Variants in CHD1L observed in about 807,000 individuals in gnomAD.
CHD1L encodes the protein ATP-dependent chromatin remodeler CHD1L.
Under a neutral mutation model 115.9 loss-of-function variants are expected in CHD1L, and 118 were observed. The ratio of observed to expected loss-of-function variants is 1.02; its 90% CI spans 0.88 to 1.19. The LOEUF (loss-of-function observed/expected upper bound fraction) is 1.19, where lower values mean the gene tolerates loss of function less well. Ranked by LOEUF, CHD1L falls within the 50% of genes most tolerant of loss-of-function variation. CHD1L has a pLI of 0.00. For synonymous variants in CHD1L, 411 were observed against 387.1 expected, an observed-to-expected ratio of 1.06 and a Z score of -0.72; for missense variants, 1,179 against 1,065.3, an observed-to-expected ratio of 1.11 and a Z score of -1.49.
chr1:147,181,518 T>C, the CHD1L span, among the ~76,000 whole-genome samples: 4 of 152,246 alleles, frequency 2.6e-5, no homozygotes, highest in East Asian at 7.7e-4. Flanking sequence ...GGAGACAACA[T>C]ATTTGAGGTT....
In CHD1L at chr1:147,272,275, A is replaced by G; in HGVS notation, c.1264A>G (p.Arg422Gly). 1 of 1,609,088 alleles carries G rather than the reference A, an allele frequency of 6.2e-7. No homozygotes were observed. The highest frequency in any genetic ancestry group is 2.2e-5 in the East Asian group (1 of 44,866). ...CATTTTCGTTTTTCTCCTGAGTACT[A>G]GGGCAGGTAGGCTGCAAAGGCATTG... is the stretch of plus-strand genomic sequence containing the variant. ...QPIFVFLLST[R>G]AGGVGMNLTA... The change falls in exon 12 of 23, where the codon AGG becomes GGG. Residue 422 changes from arginine (R) to glycine (G), a missense_variant. By Grantham distance (125) the Arg-to-Gly change is moderately radical (BLOSUM62 -2). Transcript: ENST00000369258.
At chr1:147,242,905 GCGGGTGGGCC>G in intron 1 of CHD1L, 75 bp downstream of exon 1, 4 of 1,234,266 alleles carry the variant, frequency 3.2e-6, no homozygotes, top group Non-Finnish European at 4.1e-6. Context: ...CGGGGGCGCA[GCGGGTGGGCC>G]GCCCGGTGGG....
chr1:147,195,422 C>T, the CHD1L span, among the ~76,000 whole-genome samples: 1 of 147,210 alleles, frequency 6.8e-6, no homozygotes, highest in Non-Finnish European at 1.5e-5. Flanking sequence ...CATGAGCCAC[C>T]ATGCCCAGCC....
chr1:147,277,672 T>A (rs1679051877), intron 14 of CHD1L, among the ~76,000 whole-genome samples: 1 of 152,172 alleles, frequency 6.6e-6, no homozygotes, highest in Non-Finnish European at 1.5e-5. Flanking sequence ...GTACATTTTG[T>A]TTTCACACTA....
the CHD1L span, among the ~76,000 whole-genome samples, chr1:147,236,836 T>C: frequency 0.11 from 16,083 of 152,176 alleles, 951 homozygotes; most frequent in East Asian, 0.16. Flanking sequence ...AACTGGTCCA[T>C]AGGCACCCAG....
At chr1:147,202,362 G>A in the CHD1L span, among the ~76,000 whole-genome samples, 38 of 112,290 alleles carry the variant, frequency 3.4e-4, 1 homozygote, top group East Asian at 1.1e-3. Flanking sequence ...TTCTTTTGCC[G>A]AAGCTGGAGT....
At chr1:147,274,694 T>C (rs587727341) in intron 12 of CHD1L, among the ~76,000 whole-genome samples, 32 of 151,892 alleles carry the variant, frequency 2.1e-4, no homozygotes, top group South Asian at 2.1e-4. Context: ...CCAGCAAGAG[T>C]GTTCTGAGCA....
At chr1:147,258,814 T>C (rs1553942006) in intron 5 of CHD1L, 1 of 152,240 alleles carries the variant, frequency 6.6e-6, no homozygotes, top group East Asian at 1.9e-4. Context: ...GTATATACAT[T>C]TAGTTTTTTA....
intron 1 of CHD1L, among the ~76,000 whole-genome samples, chr1:147,245,696 C>CT (rs11350539): frequency 0.4 from 58,524 of 146,848 alleles, 11,951 homozygotes; most frequent in African/African-American, 0.5. Flanking sequence ...GAAAATTCAA[C>CT]TTTTTTTTTT....
the CHD1L span, among the ~76,000 whole-genome samples, chr1:147,176,884 C>T: frequency 5.3e-5 from 8 of 151,850 alleles, no homozygotes; most frequent in East Asian, 1.9e-4. Context: ...TCCTGGGTTA[C>T]GGTAGGAGGC....
In CHD1L at chr1:147,274,567, G is replaced by A. The variant is rs144379837; in HGVS notation, c.1271-787G>A. ...ACCCTGGCAAGAGGGAGTCTGTTTT[G>A]TACTTGTTTTCACATTAATCAAAGA... On this transcript the variant is annotated intron_variant, in intron 12 of 22. Transcript: ENST00000369258. Among the ~76,000 whole-genome samples, 717 of 152,190 alleles carry A rather than the reference G, an allele frequency of 4.7e-3. 6 individuals are homozygous for A. Among genetic ancestry groups the A allele is most frequent in the African/African-American group, 0.015 (630 of 41,524 alleles).
chr1:147,216,591 C>T, the CHD1L span, among the ~76,000 whole-genome samples: 2 of 152,226 alleles, frequency 1.3e-5, no homozygotes, highest in African/African-American at 4.8e-5. Context: ...TATTCAGCAT[C>T]GCTTAGGAAG....
Position 147,284,381 on chromosome 1 carries a change from A to T in CHD1L, c.1736A>T (p.Asp579Val). 1 of 1,591,414 alleles carries T rather than the reference A, an allele frequency of 6.3e-7. No homozygotes were observed. Among genetic ancestry groups the T allele is most frequent in the Non-Finnish European group, 8.6e-7 (1 of 1,168,932 alleles). The change falls in exon 16 of 23, where the codon GAT becomes GTT. Residue 579 changes from aspartate (D) to valine (V), a missense_variant. By Grantham distance (152) the Asp-to-Val change is radical. Transcript: ENST00000369258. ...CATATGTACTTATTTGAAGGTAAAG[A>T]TTATTCTAAAGAGCCCAGTAAGGAA... is the stretch of plus-strand genomic sequence containing the variant. ...KNHMYLFEGKDYSKEPSKEDR... is the reference protein window; with the variant it reads ...KNHMYLFEGKVYSKEPSKEDR...
At chr1:147,275,249 T>C (rs1254753786) in intron 12 of CHD1L, 105 bp from the exon 13 acceptor site, 6 of 809,720 alleles carry the variant, frequency 7.4e-6, no homozygotes, top group Middle Eastern at 2.3e-4. Flanking sequence ...GCCAATTGTT[T>C]TGACTGATTT....
At chr1:147,218,628 T>C in the CHD1L span, among the ~76,000 whole-genome samples, 15 of 152,326 alleles carry the variant, frequency 9.8e-5, no homozygotes, top group East Asian at 2.5e-3. Flanking sequence ...TAGTTTCTCT[T>C]GATTCCATAT....
At chr1:147,197,671 G>C in the CHD1L span, among the ~76,000 whole-genome samples, 5,612 of 152,186 alleles carry the variant, frequency 0.037, 156 homozygotes, top group South Asian at 0.095. Flanking sequence ...ATGATTGTAA[G>C]TTTCCTGAGG....
At chr1:147,217,351 G>A in the CHD1L span, among the ~76,000 whole-genome samples, 21 of 151,928 alleles carry the variant, frequency 1.4e-4, no homozygotes, top group South Asian at 2.1e-4. Flanking sequence ...GCCTGTCACC[G>A]AGATTTCACA....
intron 7 of CHD1L, 139 bp downstream of exon 7, chr1:147,264,723 G>A (rs1225378783): frequency 5.1e-6 from 4 of 778,902 alleles, no homozygotes; most frequent in African/African-American, 1.8e-5. Context: ...TGATATTAGG[G>A]AGATGTTAAG....
At chr1:147,184,699 G>A in the CHD1L span, 2 of 1,414,828 alleles carry the variant, frequency 1.4e-6, no homozygotes, top group Non-Finnish European at 1.8e-6. This position sits in a 1 kb window ranked among gnomAD's most constrained non-coding sequence, Gnocchi z 4.4. Flanking sequence ...TCATCTCAAA[G>A]GTACATACTA....
Sources: gnomAD v4.1 joint callset for allele counts (sites outside exome capture counted in the v4.1 genomes callset) on GRCh38, gnomAD v4.1.1 for gene constraint, Gnocchi (gnomAD v3.1) non-coding constraint, MANE v1.5 for transcripts, NCBI Gene and HGNC (gene_info 2026-07-23, HGNC 2026-07-21) for gene names.